Variants in PIK3R6 observed in about 807,000 individuals in gnomAD.
PIK3R6 encodes phosphoinositide-3-kinase regulatory subunit 6, also known as phosphoinositide 3-kinase regulatory subunit 6.
A neutral mutation model predicts 84.9 loss-of-function variants in PIK3R6; 91 were observed. The observed-to-expected ratio is 1.07, with a 90% CI of 0.90 to 1.28. PIK3R6 has a LOEUF of 1.28. PIK3R6 is among the 50% of genes most tolerant of loss of function. The pLI, the probability that PIK3R6 is intolerant of heterozygous loss-of-function variation, is 0.00. For missense variants in PIK3R6, 996 were observed against 985.1 expected (o/e 1.01, Z -0.15); for synonymous variants, 416 against 411.4 (o/e 1.01, Z -0.13).
chr17:8,839,708 G>T lies in PIK3R6; in HGVS notation c.14-11C>A, dbSNP rs149979813. On this transcript the variant is annotated splice_polypyrimidine_tract_variant and intron_variant, in intron 2 of 19. Transcript: ENST00000619866. The surrounding 1 kb of genome is among the most constrained non-coding windows in gnomAD (Gnocchi z 4.2). ...GGTCCAGCTCCACATCTGGGCAGTG[G>T]TAGGGGTGGGAGGAAACTCAGTCCA... The T allele has an allele frequency of 3.2e-6, 5 of 1,560,916 alleles. No homozygotes were observed. In the African/African-American group the frequency reaches 5.4e-5, roughly 17 times the overall value.
chr17:8,807,748 G>C (rs769356190), intron 18 of PIK3R6, among the ~76,000 whole-genome samples: 9 of 152,104 alleles, frequency 5.9e-5, no homozygotes, highest in Non-Finnish European at 1.0e-4. Flanking sequence ...AAGAAGGGGA[G>C]TGAAGCTATG....
rs796881138 is a variant in PIK3R6, at chr17:8,828,392, AGGG to A, written c.1313+172_1313+174del. On this transcript the variant is annotated intron_variant, in intron 11 of 19. Transcript: ENST00000619866. ...TTCACGGAGCTAACGAACACAAAGC[AGGG>A]ATTGCGGTGCTCTGTGACGGCTGCG... Among the ~76,000 whole-genome samples, 4,313 of 152,266 alleles carry A rather than the reference AGGG, an allele frequency of 0.028. 325 individuals are homozygous for A. In the East Asian group the frequency reaches 0.3, roughly 10 times the overall value.
chr17:8,848,365 C>T (rs553823880), intron 2 of PIK3R6, among the ~76,000 whole-genome samples: 1 of 152,160 alleles, frequency 6.6e-6, no homozygotes, highest in South Asian at 2.1e-4. Context: ...TTTGAAATAC[C>T]TTGATGTGTC....
At chr17:8,835,518 G>T in intron 7 of PIK3R6, 62 bp from the exon 8 acceptor site, 1 of 1,395,342 alleles carries the variant, frequency 7.2e-7, no homozygotes, top group Non-Finnish European at 9.7e-7. Flanking sequence ...AGGGGCCACC[G>T]GATGGGCACC....
intron 4 of PIK3R6, 148 bp downstream of exon 4, chr17:8,838,401 AAAATACTGCTTACGT>A: frequency 1.7e-6 from 1 of 597,584 alleles, no homozygotes; most frequent in Admixed American, 3.1e-5. Context: ...CGACGTAAAG[AAAATACTGCTTACGT>A]AAAAGTACAG....
At position 8,836,538 on chromosome 17, in the gene PIK3R6, G is replaced by GC; in HGVS notation, c.461+8dup. 1 of 1,613,876 alleles carries GC rather than the reference G, an allele frequency of 6.2e-7. No individual in the cohort carries two copies. Among genetic ancestry groups the GC allele is most frequent in the African/African-American group, 1.3e-5 (1 of 74,994 alleles). ...GGCTGAAGGTAGCAATTTTTCTGGG[G>GC]CCACTCACCTCTCCTGGTAGGGATA... On this transcript the variant is annotated intron_variant, in intron 7 of 19. Transcript: ENST00000619866.
intron 2 of PIK3R6, among the ~76,000 whole-genome samples, chr17:8,840,368 G>T (rs961032893): frequency 7.1e-5 from 9 of 126,386 alleles, no homozygotes; most frequent in Non-Finnish European, 1.3e-4. Context: ...ATATGTATAT[G>T]AAATATATAT....
chr17:8,810,966 A>C (rs1238043114), intron 18 of PIK3R6, among the ~76,000 whole-genome samples: 1 of 148,856 alleles, frequency 6.7e-6, no homozygotes, highest in Non-Finnish European at 1.5e-5. Context: ...GGGACTCTGC[A>C]TGGGGGCTCT....
At chr17:8,816,191 A>G (rs892464893) in intron 18 of PIK3R6, among the ~76,000 whole-genome samples, 12 of 152,232 alleles carry the variant, frequency 7.9e-5, no homozygotes, top group African/African-American at 2.9e-4. Context: ...TATAAAATAA[A>G]TATGTTTAGA....
chr17:8,836,596 C>A lies in PIK3R6; in HGVS notation c.412G>T (p.Val138Phe). 1 of 1,614,002 alleles carries A rather than the reference C, an allele frequency of 6.2e-7. No individual in the cohort carries two copies. The highest frequency in any genetic ancestry group is 1.1e-5 in the South Asian group (1 of 91,084). Residue 138 changes from valine to phenylalanine, a missense_variant, in exon 7 of 20, where the codon GTC becomes TTC. Transcript: ENST00000619866. ...AVPGTLYQRM[V>F]IAEQNLTNEL... ...TTCGTCAAGTTCTGTTCGGCAATGA[C>A]CATCCTTTGGTACAGTGTCCCTGCA...
intron 4 of PIK3R6, chr17:8,838,293 T>C (rs147184076): frequency 2.1e-4 from 98 of 471,484 alleles, no homozygotes; most frequent in Non-Finnish European, 2.2e-4. Context: ...TGTTTATAGG[T>C]ACCTTCTGTT....
chr17:8,806,638 G>A (rs1242742188), intron 18 of PIK3R6, among the ~76,000 whole-genome samples: 1 of 152,206 alleles, frequency 6.6e-6, no homozygotes, highest in Non-Finnish European at 1.5e-5. Flanking sequence ...ACTAAGGAAT[G>A]GGCAAAGTGC....
chr17:8,839,834 A>G lies in PIK3R6; in HGVS notation c.14-137T>C. Reference sequence around the variant, plus strand: ...CCGAAGTAATCGACTTAGAGCTGGCAGCCAGCATGCCAGCCAGGGCTGGAA... The same window carrying G: ...CCGAAGTAATCGACTTAGAGCTGGCGGCCAGCATGCCAGCCAGGGCTGGAA... On this transcript the variant is annotated intron_variant, in intron 2 of 19. Coordinates refer to ENST00000619866, the MANE Select transcript of PIK3R6 (RefSeq NM_001010855.4). The surrounding 1 kb of genome is among the most constrained non-coding windows in gnomAD (Gnocchi z 4.2). The G allele has an allele frequency of 1.5e-6, 1 of 650,442 alleles. No homozygotes were observed. Among genetic ancestry groups the G allele is most frequent in the Non-Finnish European group, 2.6e-6 (1 of 391,824 alleles). The allele number at this position is 650,442 out of a possible 1,614,324, so 40.3% of individuals were successfully genotyped here. A position where few individuals can be genotyped will look rare whatever the true frequency, so the allele number is the denominator to read the frequency against.
intron 1 of PIK3R6, among the ~76,000 whole-genome samples, chr17:8,857,096 C>T (rs1450878886): frequency 1.3e-5 from 2 of 151,654 alleles, no homozygotes; most frequent in Admixed American, 6.6e-5. Context: ...ATAGCCCTCC[C>T]TGTCACACTC....
At chr17:8,847,011 G>A (rs1027340132) in intron 2 of PIK3R6, among the ~76,000 whole-genome samples, 3 of 152,160 alleles carry the variant, frequency 2.0e-5, no homozygotes, top group African/African-American at 7.2e-5. Flanking sequence ...GTGAGAATAA[G>A]CATGTGTTGT....
chr17:8,815,294 C>A (rs528039158), intron 18 of PIK3R6, among the ~76,000 whole-genome samples: 1 of 152,168 alleles, frequency 6.6e-6, no homozygotes, highest in Admixed American at 6.5e-5. Context: ...GACCACGAGG[C>A]CAAGAGATAG....
rs1488820830 is a variant in PIK3R6, at chr17:8,827,742, GGAGAGAGAGAGAGAGAGAGAGGAGAGA to G, written c.1392+343_1392+369del. On this transcript the variant is annotated intron_variant, in intron 12 of 19. Coordinates refer to ENST00000619866, the MANE Select transcript of PIK3R6 (RefSeq NM_001010855.4). ...TGTGTATGAGAGAGGGGAGGGAAGG[GGAGAGAGAGAGAGAGAGAGAGGAGAGA>G]GAGAGAGAGAGAGAGAGAGAGAGAG... 2.3e-3 allele frequency among the ~76,000 whole-genome samples: 213 copies of G among 90,928 alleles called. 7 individuals carry two copies. Among genetic ancestry groups the G allele is most frequent in the South Asian group, 0.013 (36 of 2,716 alleles). 59.7% of individuals were successfully genotyped at this position (90,928 alleles called of 152,430 possible). A position where few individuals can be genotyped will look rare whatever the true frequency, so the allele number is the denominator to read the frequency against.
At chr17:8,829,071 G>T in intron 10 of PIK3R6, 81 bp from the exon 11 acceptor site, 1 of 1,300,422 alleles carries the variant, frequency 7.7e-7, no homozygotes. Context: ...CCTCTTCAGA[G>T]GATACACACA....
intron 2 of PIK3R6, among the ~76,000 whole-genome samples, chr17:8,846,082 A>T (rs2088809429): frequency 6.6e-6 from 1 of 152,196 alleles, no homozygotes; most frequent in South Asian, 2.1e-4. Context: ...CCTAGGATTC[A>T]TATAGTTTGA....
Sources: allele counts gnomAD v4.1 joint callset (sites outside exome capture counted in the v4.1 genomes callset), GRCh38; gene constraint gnomAD v4.1.1; non-coding constraint Gnocchi (gnomAD v3.1); transcripts MANE v1.5; gene names NCBI Gene and HGNC (gene_info 2026-07-23, HGNC 2026-07-21).